Variants in TENM1 observed in about 807,000 individuals in gnomAD.
TENM1 encodes teneurin-1.
TENM1 carries 35 observed loss-of-function variants against 174.8 expected under a neutral mutation model. That is an observed-to-expected ratio of 0.20 (90% CI 0.15 to 0.27). The LOEUF (loss-of-function observed/expected upper bound fraction) is 0.27, where lower values mean the gene tolerates loss of function less well. TENM1 is among the 10% of genes least tolerant of loss of function. The pLI is 1.00. For missense variants in TENM1, 1,633 were observed against 2,130.1 expected (o/e 0.77, Z 4.59); for synonymous variants, 781 against 798.7 (o/e 0.98, Z 0.37).
At chrX:124,382,610 TG>T in intron 31 of TENM1, 59 bp downstream of exon 34, 1 of 1,090,436 alleles carries the variant, frequency 9.2e-7, no homozygotes, top group East Asian at 3.2e-5. Context: ...ATATAATTTC[TG>T]GGTATTGAAT....
the TENM1 span, among the ~76,000 whole-genome samples, chrX:125,192,462 G>T: frequency 8.9e-6 from 1 of 112,085 alleles, no homozygotes; most frequent in East Asian, 2.8e-4. Context: ...GTTTTAAAAT[G>T]ATCATCCTGG....
the TENM1 span, among the ~76,000 whole-genome samples, chrX:124,989,249 T>C: frequency 8.9e-6 from 1 of 111,969 alleles, no homozygotes; most frequent in East Asian, 2.8e-4. Flanking sequence ...TTCTATTTAT[T>C]AGCAATAAAC....
intron 3 of TENM1, among the ~76,000 whole-genome samples, chrX:124,871,829 C>T (rs772177838): frequency 2.7e-5 from 3 of 109,598 alleles, no homozygotes; most frequent in African/African-American, 6.7e-5. Context: ...GTCAGGAAAT[C>T]GAGACCATCC....
At chrX:124,923,631 C>T (rs1403926041) in intron 1 of TENM1, among the ~76,000 whole-genome samples, 2 of 112,053 alleles carry the variant, frequency 1.8e-5, no homozygotes, top group Non-Finnish European at 3.8e-5. Context: ...AATCCGTTGA[C>T]ATTAAGATAG....
chrX:124,851,319 A>G (rs1433603441), intron 3 of TENM1, among the ~76,000 whole-genome samples: 1 of 111,828 alleles, frequency 8.9e-6, no homozygotes, highest in Non-Finnish European at 1.9e-5. Flanking sequence ...CTCCAGGAGA[A>G]GTCCTTTGAA....
At chrX:124,837,263 A>ATT (rs2056410997) in intron 3 of TENM1, among the ~76,000 whole-genome samples, 2 of 111,466 alleles carry the variant, frequency 1.8e-5, no homozygotes, top group African/African-American at 6.5e-5. Flanking sequence ...TAATTTCTGT[A>ATT]TTTTTAGTAG....
the TENM1 span, among the ~76,000 whole-genome samples, chrX:125,071,352 C>T: frequency 9.0e-6 from 1 of 111,719 alleles, no homozygotes; most frequent in African/African-American, 3.3e-5. Context: ...AAATTCATCT[C>T]CCAAGAAGTA....
At chrX:125,117,517 C>A in the TENM1 span, among the ~76,000 whole-genome samples, 1 of 110,180 alleles carries the variant, frequency 9.1e-6, no homozygotes, top group African/African-American at 3.3e-5. Context: ...CACATGGACA[C>A]AGGGAGGGGA....
chrX:124,805,560 G>A (rs989889046), intron 3 of TENM1, among the ~76,000 whole-genome samples: 3 of 113,041 alleles, frequency 2.7e-5, no homozygotes, highest in African/African-American at 9.7e-5. Context: ...CATAGCCCTT[G>A]TGCAGTGAAC....
At chrX:124,803,440 C>T (rs1271095157) in intron 3 of TENM1, among the ~76,000 whole-genome samples, 1 of 111,630 alleles carries the variant, frequency 9.0e-6, no homozygotes, top group African/African-American at 3.3e-5. Flanking sequence ...CTCTCTTCAC[C>T]TGGATATCAC....
the TENM1 span, among the ~76,000 whole-genome samples, chrX:125,113,710 A>C: frequency 1.8e-5 from 2 of 111,276 alleles, no homozygotes; most frequent in Non-Finnish European, 3.8e-5. Flanking sequence ...AAAAGAGCTA[A>C]CTACCCTAAA....
At chrX:125,104,051 T>C in the TENM1 span, among the ~76,000 whole-genome samples, 2 of 111,252 alleles carry the variant, frequency 1.8e-5, no homozygotes, top group Non-Finnish European at 3.8e-5. Context: ...CGTTAGAAAA[T>C]ATAAACGAAT....
chrX:124,494,387 C>T (rs2047139868), intron 20 of TENM1, among the ~76,000 whole-genome samples: 1 of 111,456 alleles, frequency 9.0e-6, no homozygotes, highest in African/African-American at 3.3e-5. Context: ...AGGCATGTGT[C>T]AGGAATACAG....
chrX:124,723,898 C>G (rs953615984), intron 4 of TENM1, among the ~76,000 whole-genome samples: 1 of 111,338 alleles, frequency 9.0e-6, no homozygotes, highest in African/African-American at 3.3e-5. Flanking sequence ...CATGCCCGGC[C>G]GAAGCTGGGT....
At chrX:124,378,566 T>G (rs1050598169) in exon 32 of TENM1, 1 of 112,058 alleles carries the variant, frequency 8.9e-6, no homozygotes, top group African/African-American at 3.3e-5. Context: ...AATATGATTT[T>G]AGTATGGATT....
chrX:124,601,847 T>C (rs767686291), intron 11 of TENM1, among the ~76,000 whole-genome samples: 3 of 110,988 alleles, frequency 2.7e-5, no homozygotes, highest in Non-Finnish European at 5.7e-5. Flanking sequence ...ATTAAAATGA[T>C]AGACCATTTG....
At chrX:125,185,523 T>G in the TENM1 span, among the ~76,000 whole-genome samples, 5 of 112,480 alleles carry the variant, frequency 4.4e-5, no homozygotes, top group African/African-American at 1.6e-4. Flanking sequence ...AACAATGCAT[T>G]TCATTTACAT....
chrX:125,193,247 C>G, the TENM1 span, among the ~76,000 whole-genome samples: 1 of 112,186 alleles, frequency 8.9e-6, no homozygotes, highest in Non-Finnish European at 1.9e-5. Context: ...CCATGAGTTC[C>G]ACATCTGTAG....
intron 1 of TENM1, among the ~76,000 whole-genome samples, chrX:124,950,538 C>G (rs1255361895): frequency 8.9e-6 from 1 of 111,992 alleles, no homozygotes; most frequent in African/African-American, 3.2e-5. Context: ...GTATTGAATA[C>G]TTCTTTTGGA....
Sources: allele counts gnomAD v4.1 joint callset (sites outside exome capture counted in the v4.1 genomes callset), GRCh38; gene constraint gnomAD v4.1.1; transcripts MANE v1.5; gene names NCBI Gene and HGNC (gene_info 2026-07-23, HGNC 2026-07-21).